Variants in MYO1B observed in about 807,000 individuals in gnomAD.
MYO1B encodes unconventional myosin-Ib.
In MYO1B, 72 loss-of-function variants were observed where a neutral mutation model predicts 159.7. The observed-to-expected ratio is 0.45, with a 90% confidence interval of 0.37 to 0.55. The LOEUF (loss-of-function observed/expected upper bound fraction) is 0.55. Among genes scored for constraint, MYO1B ranks in the 20% least tolerant of loss-of-function variants. The pLI, the probability that MYO1B is intolerant of heterozygous loss-of-function variation, is 0.00. For missense variants in MYO1B, 1,062 were observed against 1,364.8 expected, an observed-to-expected ratio of 0.78 and a Z score of 3.50; for synonymous variants, 468 against 473.8, an observed-to-expected ratio of 0.99 and a Z score of 0.16.
intron 2 of MYO1B, among the ~76,000 whole-genome samples, chr2:191,293,724 A>G (rs1688813326): frequency 6.6e-6 from 1 of 152,110 alleles, no homozygotes; most frequent in Non-Finnish European, 1.5e-5. Context: ...AACCTGTTTT[A>G]TCAGCATCGT....
chr2:191,416,086 T>C (rs763946520), intron 29 of MYO1B, 29 bp from the exon 30 acceptor site: 7 of 1,604,228 alleles, frequency 4.4e-6, no homozygotes, highest in South Asian at 1.1e-5. Context: ...TATCTTTAAT[T>C]ATGACCGACT....
intron 21 of MYO1B, among the ~76,000 whole-genome samples, chr2:191,396,709 C>T (rs1209550680): frequency 1.3e-5 from 2 of 152,140 alleles, no homozygotes; most frequent in South Asian, 2.1e-4. Flanking sequence ...TCTTTTTAAG[C>T]GCTTTGTTCT....
intron 23 of MYO1B, 120 bp from the exon 24 acceptor site, chr2:191,402,512 C>G (rs1396229218): frequency 1.2e-6 from 1 of 831,034 alleles, no homozygotes; most frequent in Non-Finnish European, 2.0e-6. Context: ...CACTGTTCCT[C>G]TGTCATTCTG....
intron 8 of MYO1B, 21 bp downstream of exon 8, chr2:191,360,750 GGT>G (rs869305758): frequency 6.7e-7 from 1 of 1,494,664 alleles, no homozygotes; most frequent in African/African-American, 1.7e-5. Flanking sequence ...GTTTCTATGT[GGT>G]GTTGTTGTTG....
At chr2:191,332,528 G>A (rs185672593) in intron 4 of MYO1B, among the ~76,000 whole-genome samples, 85 of 152,134 alleles carry the variant, frequency 5.6e-4, no homozygotes, top group African/African-American at 1.9e-3. Flanking sequence ...CCTTCCCTTA[G>A]GATTGCTGTC....
intron 1 of MYO1B, among the ~76,000 whole-genome samples, chr2:191,255,220 C>T (rs764373329): frequency 2.0e-5 from 3 of 152,190 alleles, no homozygotes; most frequent in African/African-American, 7.2e-5. Context: ...TGAGGCACTA[C>T]ACCCATCCTG....
chr2:191,364,386 G>A, intron 11 of MYO1B, 110 bp downstream of exon 11: 1 of 837,846 alleles, frequency 1.2e-6, no homozygotes, highest in Non-Finnish European at 2.0e-6. Context: ...ATCGTACTAT[G>A]TTCTAGGCAT....
At chr2:191,273,494 A>G (rs1687580423) in intron 1 of MYO1B, among the ~76,000 whole-genome samples, 1 of 152,064 alleles carries the variant, frequency 6.6e-6, no homozygotes, top group East Asian at 1.9e-4. Context: ...CCTCCTCATG[A>G]AAGTAGAGAT....
At chr2:191,285,455 G>A (rs1688310234) in intron 2 of MYO1B, among the ~76,000 whole-genome samples, 1 of 152,330 alleles carries the variant, frequency 6.6e-6, no homozygotes, top group African/African-American at 2.4e-5. Flanking sequence ...CGGCAGCCAC[G>A]GTTTGCGGGA....
intron 3 of MYO1B, among the ~76,000 whole-genome samples, chr2:191,307,475 T>C (rs1325436750): frequency 6.6e-6 from 1 of 152,158 alleles, no homozygotes; most frequent in East Asian, 1.9e-4. Flanking sequence ...GGGCTGACCT[T>C]CTCTCTCACC....
chr2:191,362,992 A>G (rs924289494), intron 9 of MYO1B, among the ~76,000 whole-genome samples: 2 of 152,224 alleles, frequency 1.3e-5, no homozygotes, highest in African/African-American at 4.8e-5. Flanking sequence ...GTGAAAGGAC[A>G]TGCGGGTTCT....
chr2:191,279,077 A>G (rs1559135835), intron 2 of MYO1B, among the ~76,000 whole-genome samples: 2 of 152,352 alleles, frequency 1.3e-5, no homozygotes, highest in East Asian at 3.9e-4. Flanking sequence ...AGCAGACGAA[A>G]TGTCTGGATT....
intron 1 of MYO1B, among the ~76,000 whole-genome samples, chr2:191,262,196 G>A (rs1686854098): frequency 6.6e-6 from 1 of 151,918 alleles, no homozygotes; most frequent in Non-Finnish European, 1.5e-5. Context: ...ATACTGTCTT[G>A]TATAGGGCCT....
In MYO1B at chr2:191,360,704, C is replaced by T. The variant is rs776366435; in HGVS notation, c.636C>T (p.Leu212=). Residue 212 remains leucine, a synonymous_variant, in exon 8 of 31, where the codon CTC becomes CTT. Coordinates refer to ENST00000392318, the MANE Select transcript of MYO1B (RefSeq NM_001130158.3). ...ERNFHVFYQL[L]SGASEELLNK... Reference sequence around the variant, plus strand: ...ACTTCCATGTGTTCTATCAGCTGCTCTCTGGTGCCTCTGAAGAGCTCCTCA... The same window carrying T: ...ACTTCCATGTGTTCTATCAGCTGCTTTCTGGTGCCTCTGAAGAGCTCCTCA... 3 of 1,612,724 alleles carry T rather than the reference C, an allele frequency of 1.9e-6. No homozygotes were observed. Among genetic ancestry groups the T allele is most frequent in the Non-Finnish European group, 2.5e-6 (3 of 1,179,152 alleles).
At chr2:191,400,310 G>GTT in intron 21 of MYO1B, 72 bp from the exon 22 acceptor site, 2 of 1,474,638 alleles carry the variant, frequency 1.4e-6, no homozygotes, top group South Asian at 1.1e-5. Flanking sequence ...ATCTCTTCAG[G>GTT]TTTTTTTTTC....
At chr2:191,381,842 T>C (rs1695056398) in intron 14 of MYO1B, among the ~76,000 whole-genome samples, 1 of 152,190 alleles carries the variant, frequency 6.6e-6, no homozygotes, top group Admixed American at 6.5e-5. Context: ...ACATTATACA[T>C]TTGCCAAAAC....
chr2:191,294,263 T>C (rs1483225174), intron 2 of MYO1B, among the ~76,000 whole-genome samples: 1 of 152,222 alleles, frequency 6.6e-6, no homozygotes, highest in Non-Finnish European at 1.5e-5. Flanking sequence ...ATTTAGCCAC[T>C]GTGAAGTTTG....
At chr2:191,358,920 A>AT (rs1479098141) in intron 7 of MYO1B, among the ~76,000 whole-genome samples, 2 of 152,248 alleles carry the variant, frequency 1.3e-5, no homozygotes, top group Non-Finnish European at 2.9e-5. Flanking sequence ...TCGCTGGCAC[A>AT]TAGTGCGTTA....
rs566467270 is a variant in MYO1B, at chr2:191,368,550, G to A, written c.1033-992G>A. 2.6e-5 allele frequency among the ~76,000 whole-genome samples: 4 copies of A among 152,272 alleles called. 1 individual carries two copies. The highest frequency in any genetic ancestry group is 4.1e-4 in the South Asian group (2 of 4,820). On this transcript the variant is annotated intron_variant, in intron 11 of 30. Coordinates refer to ENST00000392318, the MANE Select transcript of MYO1B (RefSeq NM_001130158.3). ...TTTGGATTCTAAGAGTCATAGAGAT[G>A]CATATGTCTTCTGCCTCTTTGTCAA...
Sources: gnomAD v4.1 joint callset for allele counts (sites outside exome capture counted in the v4.1 genomes callset) on GRCh38, gnomAD v4.1.1 for gene constraint, MANE v1.5 for transcripts, NCBI Gene and HGNC (gene_info 2026-07-23, HGNC 2026-07-21) for gene names.